The following INSL6 variants were observed in gnomAD, a reference collection of about 807,000 sequenced individuals.
INSL6 encodes the protein insulin like 6, also known as insulin-like peptide INSL6.
INSL6 carries 16 observed loss-of-function variants against 9.4 expected under a neutral mutation model. That is an observed-to-expected ratio of 1.70 (90% CI 1.15 to 2.59). The LOEUF is 2.59. Ranked by LOEUF, INSL6 falls within the 30% of genes most tolerant of loss-of-function variation. INSL6 has a pLI of 0.00. For missense variants in INSL6, 391 were observed against 257.3 expected, an observed-to-expected ratio of 1.52 and a Z score of -3.56; for synonymous variants, 154 against 96.9, an observed-to-expected ratio of 1.59 and a Z score of -3.46.
chr9:5,060,603 C>T, the INSL6 span, among the ~76,000 whole-genome samples: 1 of 152,214 alleles, frequency 6.6e-6, no homozygotes, highest in Non-Finnish European at 1.5e-5. Flanking sequence ...ACATCTTCAG[C>T]TCTACTTCTA....
chr9:5,009,543 G>A, the INSL6 span, among the ~76,000 whole-genome samples: 1 of 151,834 alleles, frequency 6.6e-6, no homozygotes, highest in African/African-American at 2.4e-5. Context: ...AGAATACCGA[G>A]AAAGATTTTA....
intron 1 of INSL6, among the ~76,000 whole-genome samples, chr9:5,174,510 C>A (rs943564980): frequency 6.6e-6 from 1 of 152,144 alleles, no homozygotes; most frequent in African/African-American, 2.4e-5. Context: ...TTCTTCCAAC[C>A]TAAGTAGTTG....
At chr9:5,183,837 A>T (rs1825509957) in intron 1 of INSL6, among the ~76,000 whole-genome samples, 1 of 152,188 alleles carries the variant, frequency 6.6e-6, no homozygotes, top group African/African-American at 2.4e-5. Flanking sequence ...TGGGCCACGA[A>T]CTAGCAGCAC....
chr9:5,113,199 T>TC, the INSL6 span, among the ~76,000 whole-genome samples: 1 of 144,742 alleles, frequency 6.9e-6, no homozygotes, highest in South Asian at 2.2e-4. Flanking sequence ...AGCTTTTTTT[T>TC]TTTTTTTTTT....
chr9:5,183,148 C>T (rs1055355055), intron 1 of INSL6, among the ~76,000 whole-genome samples: 1 of 152,138 alleles, frequency 6.6e-6, no homozygotes, highest in African/African-American at 2.4e-5. Flanking sequence ...GAAACATATA[C>T]ATCTCTGCAA....
chr9:5,155,629 T>A (rs1824800809), intron 2 of INSL6, among the ~76,000 whole-genome samples: 1 of 151,402 alleles, frequency 6.6e-6, no homozygotes. Flanking sequence ...GGGACATGAA[T>A]GACACTGGAA....
the INSL6 span, among the ~76,000 whole-genome samples, chr9:5,087,474 A>ACTGGTAGTTCTTTTCTTTTACT: frequency 6.6e-6 from 1 of 151,540 alleles, no homozygotes; most frequent in African/African-American, 2.4e-5. Context: ...AAACCATATC[A>ACTGGTAGTTCTTTTCTTTTACT]CTCCCTTACT....
chr9:5,084,301 G>T, the INSL6 span, among the ~76,000 whole-genome samples: 2 of 151,982 alleles, frequency 1.3e-5, no homozygotes, highest in Non-Finnish European at 2.9e-5. Context: ...ATCTTTGTTT[G>T]TTTGAAGTAA....
At chr9:5,152,349 A>C (rs930644635) in intron 2 of INSL6, among the ~76,000 whole-genome samples, 2 of 152,218 alleles carry the variant, frequency 1.3e-5, no homozygotes, top group South Asian at 4.1e-4. Context: ...AATTCTCAAG[A>C]AATTTTAAAA....
At chr9:5,048,894 A>G in the INSL6 span, among the ~76,000 whole-genome samples, 3 of 152,172 alleles carry the variant, frequency 2.0e-5, no homozygotes, top group South Asian at 2.1e-4. Flanking sequence ...TTTAGGTAAT[A>G]TGGCTCTTAC....
chr9:5,095,696 C>T, the INSL6 span, among the ~76,000 whole-genome samples: 1 of 152,176 alleles, frequency 6.6e-6, no homozygotes, highest in Non-Finnish European at 1.5e-5. Context: ...CTATCTATCA[C>T]AATCCTATCC....
At chr9:5,083,422 G>T in the INSL6 span, among the ~76,000 whole-genome samples, 1 of 152,114 alleles carries the variant, frequency 6.6e-6, no homozygotes, top group Non-Finnish European at 1.5e-5. Flanking sequence ...TGTTAGTGTT[G>T]TCTGTTATTA....
chr9:5,066,304 A>G, the INSL6 span, among the ~76,000 whole-genome samples: 3 of 152,154 alleles, frequency 2.0e-5, no homozygotes, highest in Non-Finnish European at 2.9e-5. Flanking sequence ...CTATGGTAGT[A>G]GAGATATAAG....
chr9:5,077,313 A>G, the INSL6 span: 1 of 293,150 alleles, frequency 3.4e-6, no homozygotes, highest in Non-Finnish European at 6.3e-6. Context: ...GTATCCATTA[A>G]GTTTTCTTTA....
At chr9:5,080,410 C>T in the INSL6 span, 3 of 1,567,700 alleles carry the variant, frequency 1.9e-6, no homozygotes, top group Non-Finnish European at 1.7e-6. Context: ...GTTAGAATTA[C>T]TCTATCTCTG....
chr9:5,185,202 G>A (rs1825540631), intron 1 of INSL6, 112 bp downstream of exon 1: 3 of 1,329,536 alleles, frequency 2.3e-6, no homozygotes, highest in Non-Finnish European at 3.2e-6. Flanking sequence ...TTAAAGAGCT[G>A]TGTACTAGGC....
the INSL6 span, among the ~76,000 whole-genome samples, chr9:5,071,278 A>T: frequency 6.6e-6 from 1 of 152,214 alleles, no homozygotes; most frequent in Non-Finnish European, 1.5e-5. Flanking sequence ...TTTTAATAGA[A>T]AATTTAGAAA....
chr9:5,080,162 A>G, the INSL6 span: 2 of 1,212,742 alleles, frequency 1.6e-6, no homozygotes, highest in East Asian at 2.4e-5. Context: ...CTTTAAAGCT[A>G]TTTACATATA....
the INSL6 span, chr9:5,072,401 A>T: frequency 2.1e-6 from 2 of 940,152 alleles, no homozygotes. Context: ...TTATGGATTT[A>T]AAAAAATTCT....
Sources: gnomAD v4.1 joint callset for allele counts (sites outside exome capture counted in the v4.1 genomes callset) on GRCh38, gnomAD v4.1.1 for gene constraint, MANE v1.5 for transcripts, NCBI Gene and HGNC (gene_info 2026-07-23, HGNC 2026-07-21) for gene names.